Variants in ITIH5 observed in about 807,000 individuals in gnomAD.
ITIH5 encodes inter-alpha-trypsin inhibitor heavy chain 5, also known as inter-alpha-trypsin inhibitor heavy chain H5.
Under a neutral mutation model 77.5 loss-of-function variants are expected in ITIH5, and 65 were observed. That is an observed-to-expected ratio of 0.84 (90% confidence interval 0.69 to 1.03). The LOEUF is 1.03. Among genes scored for constraint, ITIH5 ranks in the 50% least tolerant of loss-of-function variants. ITIH5 has a pLI of 0.00. For missense variants in ITIH5, 1,208 were observed against 1,213.1 expected (o/e 1.00, Z 0.06); for synonymous variants, 525 against 494.3 (o/e 1.06, Z -0.82).
At chr10:7,631,165 T>G (rs1833705754) in intron 5 of ITIH5, among the ~76,000 whole-genome samples, 1 of 145,554 alleles carries the variant, frequency 6.9e-6, no homozygotes, top group African/African-American at 2.4e-5. Context: ...GGGATCTTCT[T>G]AATAAAAAAT....
chr10:7,587,840 C>T (rs549120896), intron 7 of ITIH5, among the ~76,000 whole-genome samples: 1 of 152,294 alleles, frequency 6.6e-6, no homozygotes, highest in East Asian at 1.9e-4. Context: ...TAGGTCTCTT[C>T]CCCGGTTCAT....
chr10:7,598,532 T>A (rs567730901), intron 7 of ITIH5, among the ~76,000 whole-genome samples: 174 of 152,296 alleles, frequency 1.1e-3, no homozygotes, highest in Non-Finnish European at 2.1e-3. Context: ...TGAAGCAAAA[T>A]CACAGGGCTC....
rs374583093 is a variant in ITIH5, at chr10:7,610,909, T to C, written c.939+5073A>G. Among the ~76,000 whole-genome samples the C allele has an allele frequency of 2.6e-5, 4 of 152,236 alleles. No homozygotes were observed. The East Asian group carries it at 7.7e-4, about 29-fold the overall frequency. On this transcript the variant is annotated intron_variant, in intron 7 of 13. Transcript: ENST00000397146. ...TCAGTGGCTAGCAAGGAATGGAATT[T>C]TAATATCCAGGAATGAAGGAAGAGG...
intron 8 of ITIH5, among the ~76,000 whole-genome samples, chr10:7,584,587 G>A (rs1832635526): frequency 6.6e-6 from 1 of 151,970 alleles, no homozygotes; most frequent in Non-Finnish European, 1.5e-5. Flanking sequence ...TTACAAGTGT[G>A]AGCCACCCCA....
rs745843621 is a variant in ITIH5, at chr10:7,576,445, C to T, written c.1978+8G>A. On this transcript the variant is annotated splice_region_variant and intron_variant, in intron 10 of 13. Coordinates refer to ENST00000397146, the MANE Select transcript of ITIH5 (RefSeq NM_030569.7). The stretch of plus-strand genomic sequence containing the variant: ...CCCCCACACCTGGCTGGCACAGGTG[C>T]CTCGTACCTGGCTGCGTGCCAGCTC... The T allele has an allele frequency of 2.6e-6, 4 of 1,562,078 alleles. No homozygotes were observed. Among genetic ancestry groups the T allele is most frequent in the East Asian group, 2.3e-5 (1 of 43,686 alleles).
chr10:7,640,563 T>C (rs547774722), intron 4 of ITIH5, among the ~76,000 whole-genome samples, 191 bp downstream of exon 4: 5 of 151,858 alleles, frequency 3.3e-5, no homozygotes, highest in East Asian at 1.9e-4. Context: ...GAGATAAATA[T>C]GGTAAAATTC....
chr10:7,586,436 T>C (rs1322754984), intron 7 of ITIH5, among the ~76,000 whole-genome samples: 2 of 152,152 alleles, frequency 1.3e-5, no homozygotes, highest in Non-Finnish European at 2.9e-5. Context: ...GTGTGCAAAT[T>C]CTCTGTTGGA....
intron 4 of ITIH5, among the ~76,000 whole-genome samples, chr10:7,639,037 A>G (rs1833843324): frequency 6.6e-6 from 1 of 152,226 alleles, no homozygotes; most frequent in Non-Finnish European, 1.5e-5. Context: ...GGAAAAACAG[A>G]AACATATGTC....
At chr10:7,596,521 C>T (rs1832900816) in intron 7 of ITIH5, among the ~76,000 whole-genome samples, 1 of 152,112 alleles carries the variant, frequency 6.6e-6, no homozygotes, top group Admixed American at 6.5e-5. Flanking sequence ...GGTTTTTGAG[C>T]ATAAGACAAG....
intron 1 of ITIH5, among the ~76,000 whole-genome samples, chr10:7,664,966 T>C (rs1323851825): frequency 6.6e-6 from 1 of 152,204 alleles, no homozygotes; most frequent in Non-Finnish European, 1.5e-5. Flanking sequence ...AGAGCCAAGA[T>C]TTGAACCCAG....
intron 7 of ITIH5, among the ~76,000 whole-genome samples, chr10:7,611,105 G>A (rs565891975): frequency 9.2e-5 from 14 of 152,306 alleles, no homozygotes; most frequent in South Asian, 4.1e-4. Flanking sequence ...CCTTCTTGCC[G>A]CAACCACACT....
At chr10:7,613,171 A>C (rs7920253) in intron 7 of ITIH5, among the ~76,000 whole-genome samples, 54,319 of 151,086 alleles carry the variant, frequency 0.36, 9,885 homozygotes, top group East Asian at 0.46. Flanking sequence ...GCTTGAACCC[A>C]GGAGGCAGAG....
At chr10:7,663,781 T>C (rs1016855790) in intron 1 of ITIH5, among the ~76,000 whole-genome samples, 1 of 152,116 alleles carries the variant, frequency 6.6e-6, no homozygotes, top group Non-Finnish European at 1.5e-5. Flanking sequence ...AGGCAGTAAG[T>C]GATGGGGTCC....
At chr10:7,631,840 G>A (rs542819823) in intron 5 of ITIH5, among the ~76,000 whole-genome samples, 2 of 141,222 alleles carry the variant, frequency 1.4e-5, no homozygotes, top group Non-Finnish European at 3.0e-5. Flanking sequence ...AGGCTGGAGT[G>A]CAATGGCAAA....
rs748689029 is a variant in ITIH5 at position 7,580,083 on chromosome 10, G to A, written c.1109-19C>T. Reference sequence around the variant, plus strand: ...TCTGTGCCTGCAGGACACCAACACGGAACAGCTCAAGCCTCTGCACTCACC... The same window carrying A: ...TCTGTGCCTGCAGGACACCAACACGAAACAGCTCAAGCCTCTGCACTCACC... On this transcript the variant is annotated intron_variant, in intron 8 of 13. Coordinates refer to ENST00000397146, the MANE Select transcript of ITIH5 (RefSeq NM_030569.7). The A allele has an allele frequency of 6.3e-7, 1 of 1,575,776 alleles. No homozygotes were observed. The highest frequency in any genetic ancestry group is 2.3e-5 in the East Asian group (1 of 42,938).
chr10:7,622,937 A>G (rs536356151), intron 5 of ITIH5, among the ~76,000 whole-genome samples: 18 of 152,382 alleles, frequency 1.2e-4, no homozygotes, highest in Admixed American at 1.1e-3. Context: ...AGGTAATGAC[A>G]AAGTACTTTA....
intron 5 of ITIH5, chr10:7,620,694 T>G (rs1833460873): frequency 8.7e-6 from 1 of 114,702 alleles, no homozygotes; most frequent in Admixed American, 8.6e-5. Flanking sequence ...GACCCCTCTC[T>G]GTCCTTCTCC....
intron 1 of ITIH5, among the ~76,000 whole-genome samples, chr10:7,664,395 G>A (rs1484277956): frequency 1.0e-4 from 12 of 117,282 alleles, no homozygotes; most frequent in African/African-American, 2.9e-4. Context: ...GCGAGATTCC[G>A]TCTCAAAAAA....
chr10:7,582,762 G>A (rs562494370), intron 8 of ITIH5, among the ~76,000 whole-genome samples: 22 of 152,210 alleles, frequency 1.4e-4, no homozygotes, highest in Non-Finnish European at 2.2e-4. Context: ...CCATGTTCTC[G>A]CTTATTTGTG....
Sources: gnomAD v4.1 joint callset for allele counts (sites outside exome capture counted in the v4.1 genomes callset) on GRCh38, gnomAD v4.1.1 for gene constraint, MANE v1.5 for transcripts, NCBI Gene and HGNC (gene_info 2026-07-23, HGNC 2026-07-21) for gene names.